Variants in KALRN observed in about 807,000 individuals in gnomAD.
KALRN encodes kalirin RhoGEF kinase.
A neutral mutation model predicts 353.7 loss-of-function variants in KALRN; 70 were observed. That is an observed-to-expected ratio of 0.20 (90% CI 0.16 to 0.24). KALRN has a LOEUF of 0.24. KALRN is among the 10% of genes least tolerant of loss of function. KALRN has a pLI of 1.00. For synonymous variants in KALRN, 1,391 were observed against 1,434.8 expected (o/e 0.97, Z 0.69); for missense variants, 2,791 against 3,756.7 (o/e 0.74, Z 6.72).
chr3:124,228,525 C>T (rs1397203183), intron 2 of KALRN, among the ~76,000 whole-genome samples: 1 of 152,138 alleles, frequency 6.6e-6, no homozygotes, highest in Non-Finnish European at 1.5e-5. Flanking sequence ...TGAATAATGA[C>T]TTCCAAATAT....
rs534510227 is a variant in KALRN at position 124,409,565 on chromosome 3, C to T, written c.2347-3905C>T. ...AGGGCTATTAGGCTAGTGAAGAAGG[C>T]TGGAGAGGGCAGAACTTGCTCTCAG... On this transcript the variant is annotated intron_variant, in intron 13 of 59. Coordinates refer to ENST00000682506, the MANE Select transcript of KALRN (RefSeq NM_001388419.1). 2.6e-5 allele frequency among the ~76,000 whole-genome samples: 4 copies of T among 152,270 alleles called. No homozygotes were observed. The East Asian group carries it at 7.7e-4, about 29-fold the overall frequency.
At chr3:124,540,619 C>T (rs114612736) in intron 33 of KALRN, among the ~76,000 whole-genome samples, 3 of 152,284 alleles carry the variant, frequency 2.0e-5, no homozygotes, top group South Asian at 4.1e-4. Context: ...ATGCAATAAC[C>T]GTGGCTTAGA....
chr3:124,360,346 TG>T (rs952520097), intron 10 of KALRN, among the ~76,000 whole-genome samples: 1 of 152,336 alleles, frequency 6.6e-6, no homozygotes, highest in Admixed American at 6.5e-5. Flanking sequence ...CGATTCCATT[TG>T]GTGTATGTCA....
intron 26 of KALRN, among the ~76,000 whole-genome samples, chr3:124,476,764 C>A (rs639740): frequency 2.8e-4 from 42 of 152,036 alleles, no homozygotes; most frequent in East Asian, 1.2e-3. Context: ...TGGCATAGTC[C>A]CTTGCCATGC....
chr3:124,049,221 A>G (rs561417604), intron 1 of KALRN, among the ~76,000 whole-genome samples: 6 of 152,294 alleles, frequency 3.9e-5, no homozygotes, highest in East Asian at 1.9e-4. Flanking sequence ...GTTAATTCCA[A>G]TACCACAGTT....
chr3:124,695,828 A>G (rs1010750760), intron 53 of KALRN, among the ~76,000 whole-genome samples: 1 of 152,158 alleles, frequency 6.6e-6, no homozygotes, highest in African/African-American at 2.4e-5. Context: ...TAATAATACT[A>G]TGAGCCAGAA....
At position 124,317,749 on chromosome 3, in the gene KALRN, G is replaced by T. The variant is rs962376465; in HGVS notation, c.1093-8231G>T. Among the ~76,000 whole-genome samples the T allele has an allele frequency of 9.3e-5, 14 of 150,188 alleles. No individual in the cohort carries two copies. In the East Asian group the frequency reaches 1.8e-3, roughly 19 times the overall value. ...AAAAAAAAAAAAAAAGGCGGGGGCT[G>T]GGGGGGCAGTTGGGGATAAAATGCT... On this transcript the variant is annotated intron_variant, in intron 6 of 59. Transcript: ENST00000682506.
chr3:124,385,412 G>C (rs1476471816), intron 11 of KALRN, among the ~76,000 whole-genome samples: 4 of 152,216 alleles, frequency 2.6e-5, no homozygotes, highest in Non-Finnish European at 5.9e-5. Context: ...CTTGGTTGCT[G>C]TTTCCTGTCA....
intron 1 of KALRN, among the ~76,000 whole-genome samples, chr3:124,061,495 A>G (rs2041990961): frequency 6.6e-6 from 1 of 152,236 alleles, no homozygotes; most frequent in Non-Finnish European, 1.5e-5. Flanking sequence ...GCTTTTGTTC[A>G]TAACAATGGC....
intron 33 of KALRN, among the ~76,000 whole-genome samples, chr3:124,498,581 C>T (rs1420304183): frequency 6.6e-6 from 1 of 152,152 alleles, no homozygotes; most frequent in East Asian, 1.9e-4. Flanking sequence ...TTTAAATATG[C>T]TAAAGAAAGA....
intron 32 of KALRN, among the ~76,000 whole-genome samples, chr3:124,494,400 C>T (rs2108501117): frequency 6.6e-6 from 1 of 152,346 alleles, no homozygotes; most frequent in East Asian, 1.9e-4. Context: ...CAGAAGGGCC[C>T]ACCATGGGCC....
intron 33 of KALRN, among the ~76,000 whole-genome samples, chr3:124,507,795 G>A (rs2065397977): frequency 6.6e-6 from 1 of 152,154 alleles, no homozygotes; most frequent in South Asian, 2.1e-4. Flanking sequence ...AAAGACAAAT[G>A]TGCCAGATGA....
At chr3:124,584,610 C>T (rs2074942909) in intron 34 of KALRN, 1 of 1,403,328 alleles carries the variant, frequency 7.1e-7, no homozygotes, top group Non-Finnish European at 9.2e-7. Flanking sequence ...AACTCCGCCC[C>T]TTAGGCCCTC....
At chr3:124,210,219 G>A (rs1422901155) in intron 1 of KALRN, among the ~76,000 whole-genome samples, 1 of 152,204 alleles carries the variant, frequency 6.6e-6, no homozygotes, top group Non-Finnish European at 1.5e-5. Context: ...ACTTAGCTCA[G>A]TGCCTAGAAT....
At chr3:124,626,435 G>A (rs922062097) in intron 34 of KALRN, among the ~76,000 whole-genome samples, 15 of 152,236 alleles carry the variant, frequency 9.9e-5, no homozygotes, top group Non-Finnish European at 1.8e-4. Context: ...TGAGTACATA[G>A]ATGTCAATTT....
intron 1 of KALRN, among the ~76,000 whole-genome samples, chr3:124,217,037 G>A (rs2150565869): frequency 1.3e-5 from 2 of 152,202 alleles, no homozygotes; most frequent in Admixed American, 6.5e-5. Context: ...TCACATTTTA[G>A]AGACTTCCTT....
At chr3:124,549,239 A>G (rs2070124624) in intron 33 of KALRN, among the ~76,000 whole-genome samples, 1 of 151,982 alleles carries the variant, frequency 6.6e-6, no homozygotes, top group South Asian at 2.1e-4. Flanking sequence ...AGCCTCCTCT[A>G]TCTTGCCACT....
chr3:124,692,999 G>A (rs1414610348), intron 51 of KALRN, among the ~76,000 whole-genome samples: 2 of 152,190 alleles, frequency 1.3e-5, no homozygotes, highest in Non-Finnish European at 2.9e-5. Flanking sequence ...TTTCCCTACT[G>A]TGAAATCTCC....
chr3:124,718,808 C>G, intron 59 of KALRN, 117 bp from the exon 60 acceptor site: 1 of 959,230 alleles, frequency 1.0e-6, no homozygotes, highest in Non-Finnish European at 1.6e-6. Context: ...TTTCTGTACA[C>G]CATAGGCTTT....
Sources: allele counts gnomAD v4.1 joint callset (sites outside exome capture counted in the v4.1 genomes callset), GRCh38; gene constraint gnomAD v4.1.1; transcripts MANE v1.5; gene names NCBI Gene and HGNC (gene_info 2026-07-23, HGNC 2026-07-21).